CACHD1: variants seen among roughly 807,000 people sequenced by gnomAD.
CACHD1 encodes the protein cache domain containing 1, also known as VWFA and cache domain-containing protein 1.
Under a neutral mutation model 138.7 loss-of-function variants are expected in CACHD1, and 71 were observed. The ratio of observed to expected loss-of-function variants is 0.51; its 90% CI spans 0.42 to 0.62. The LOEUF is 0.62. CACHD1 is among the 20% of genes least tolerant of loss of function. CACHD1 has a pLI of 0.00. For synonymous variants in CACHD1, 578 were observed against 591.5 expected (o/e 0.98, Z 0.33); for missense variants, 1,389 against 1,625.3 (o/e 0.85, Z 2.50).
intron 15 of CACHD1, among the ~76,000 whole-genome samples, chr1:64,665,333 A>T (rs915279874): frequency 6.6e-6 from 1 of 151,976 alleles, no homozygotes; most frequent in East Asian, 1.9e-4. Context: ...GGTGGTACAC[A>T]CCTGTAGTCC....
chr1:64,492,571 C>T (rs1164541326), intron 1 of CACHD1, among the ~76,000 whole-genome samples: 1 of 151,444 alleles, frequency 6.6e-6, no homozygotes, highest in African/African-American at 2.4e-5. Flanking sequence ...ATACTCCTCC[C>T]CGTTCTGATA....
In CACHD1 at chr1:64,692,095, A is replaced by T. The variant is rs1185406459; in HGVS notation, c.*534A>T. 3 of 154,382 alleles carry T rather than the reference A, an allele frequency of 1.9e-5. No individual in the cohort carries two copies. The highest frequency in any genetic ancestry group is 4.3e-5 in the Non-Finnish European group (3 of 69,140). The allele number at this position is 154,382 out of a possible 1,614,324, so 9.6% of individuals were successfully genotyped here. A position where few individuals can be genotyped will look rare whatever the true frequency, so the allele number is the denominator to read the frequency against. On this transcript the variant is annotated 3_prime_UTR_variant, in exon 27 of 27. Transcript: ENST00000651257. ...GCATCTCAGAATTTCTAAGTAAAGG[A>T]TTATTTTTCTACTATTTATTGAACT...
chr1:64,578,110 C>T (rs1006810533), intron 2 of CACHD1, among the ~76,000 whole-genome samples: 1 of 152,292 alleles, frequency 6.6e-6, no homozygotes, highest in Admixed American at 6.5e-5. Context: ...TGTGATTTGT[C>T]ATATTTTAAT....
At chr1:64,633,024 G>C (rs961921569) in intron 6 of CACHD1, among the ~76,000 whole-genome samples, 1 of 152,160 alleles carries the variant, frequency 6.6e-6, no homozygotes, top group Admixed American at 6.5e-5. Context: ...TGGCTATCTC[G>C]TAGAATTTAT....
Position 64,513,538 on chromosome 1 carries a change from A to G in CACHD1, c.199-37056A>G, listed in dbSNP as rs1458279242. On this transcript the variant is annotated intron_variant, in intron 1 of 26. Transcript: ENST00000651257. ...CCAGCAGCTATGGTGGGTGGAAGTG[A>G]TACAGGTAGAATTTGATAAATCTGT... 4.6e-5 allele frequency among the ~76,000 whole-genome samples: 7 copies of G among 152,234 alleles called. No individual in the cohort carries two copies. In the East Asian group the frequency reaches 1.3e-3, roughly 29 times the overall value.
chr1:64,630,171 T>G (rs1318042029), intron 5 of CACHD1, among the ~76,000 whole-genome samples: 1 of 152,242 alleles, frequency 6.6e-6, no homozygotes, highest in African/African-American at 2.4e-5. Flanking sequence ...GGAGCTCTAG[T>G]GCAGGGCACC....
chr1:64,691,857 G>A lies in CACHD1; in HGVS notation c.*296G>A, dbSNP rs1007376911. 13 of 373,086 alleles carry A rather than the reference G, an allele frequency of 3.5e-5. No individual in the cohort carries two copies. The highest frequency in any genetic ancestry group is 4.5e-5 in the Non-Finnish European group (9 of 200,352). 23.1% of individuals were successfully genotyped at this position (373,086 alleles called of 1,614,324 possible). ...AAGGCGAACCTCCAAACACAGAGAC[G>A]GAACCTGCAAGTGAAGCTGAGCCAG... On this transcript the variant is annotated 3_prime_UTR_variant, in exon 27 of 27. Coordinates refer to ENST00000651257, the MANE Select transcript of CACHD1 (RefSeq NM_020925.4).
Position 64,634,137 on chromosome 1 carries a change from A to AGGAAAAT in CACHD1, c.885_891dup (p.Ser298GlufsTer7). The AGGAAAAT allele has an allele frequency of 2.5e-6, 4 of 1,614,006 alleles. No individual in the cohort carries two copies. Among genetic ancestry groups the AGGAAAAT allele is most frequent in the Non-Finnish European group, 3.4e-6 (4 of 1,179,988 alleles). On this transcript the variant is annotated frameshift_variant, in exon 7 of 27. Transcript: ENST00000651257. LOFTEE classifies it high-confidence loss of function. Reference sequence around the variant, plus strand: ...GTCTCCAGCCACCAGTGAGACAAAAAGGAAAATGTCCACCTTTGTTAGCAG... The same window carrying AGGAAAAT: ...GTCTCCAGCCACCAGTGAGACAAAAAGGAAAATGGAAAATGTCCACCTTTGTTAGCAG...
chr1:64,565,765 A>C (rs2100495859), intron 2 of CACHD1, among the ~76,000 whole-genome samples: 1 of 152,320 alleles, frequency 6.6e-6, no homozygotes, highest in South Asian at 2.1e-4. Context: ...TAATGACATA[A>C]GAAGAGCAGG....
At chr1:64,604,594 A>G (rs909351752) in intron 4 of CACHD1, among the ~76,000 whole-genome samples, 8 of 152,212 alleles carry the variant, frequency 5.3e-5, no homozygotes, top group African/African-American at 1.9e-4. Flanking sequence ...CCAAAAATAC[A>G]TACTGTAATC....
Position 64,524,045 on chromosome 1 carries a change from C to G in CACHD1, c.199-26549C>G, listed in dbSNP as rs926241246. Among the ~76,000 whole-genome samples the G allele has an allele frequency of 3.3e-5, 5 of 152,098 alleles. No individual in the cohort carries two copies. The South Asian group carries it at 1.0e-3, about 32-fold the overall frequency. On this transcript the variant is annotated intron_variant, in intron 1 of 26. Coordinates refer to ENST00000651257, the MANE Select transcript of CACHD1 (RefSeq NM_020925.4). ...AATCTGTACAAAAAAAAAAGAGACACCATCTGGAAATTATTCTATGCTTTA... is the reference window on the plus strand; with the variant it reads ...AATCTGTACAAAAAAAAAAGAGACAGCATCTGGAAATTATTCTATGCTTTA...
At chr1:64,690,056 A>G (rs1650497896) in intron 26 of CACHD1, among the ~76,000 whole-genome samples, 1 of 152,210 alleles carries the variant, frequency 6.6e-6, no homozygotes, top group Admixed American at 6.5e-5. Flanking sequence ...CAATAAATGA[A>G]TAAGTGAATG....
chr1:64,535,363 T>A (rs1227780217), intron 1 of CACHD1, among the ~76,000 whole-genome samples: 1 of 151,584 alleles, frequency 6.6e-6, no homozygotes, highest in Admixed American at 6.6e-5. Flanking sequence ...TTTGCTCTTG[T>A]TGCCCGGGCT....
intron 7 of CACHD1, among the ~76,000 whole-genome samples, chr1:64,641,101 G>C (rs1041047441): frequency 2.0e-5 from 3 of 150,280 alleles, no homozygotes; most frequent in African/African-American, 2.5e-5. Flanking sequence ...TCACCTTTTT[G>C]CTGATAGTCT....
chr1:64,661,068 G>A lies in CACHD1; in HGVS notation c.1951+2195G>A, dbSNP rs184121511. On this transcript the variant is annotated intron_variant, in intron 13 of 26. Transcript: ENST00000651257. ...CAGGACAAGGTGGAGAGGTAATCAA[G>A]GGCATCTTAGTTAGGATCAGTTGGC... Among the ~76,000 whole-genome samples, 239 of 152,182 alleles carry A rather than the reference G, an allele frequency of 1.6e-3. 1 individual carries two copies. Among genetic ancestry groups the A allele is most frequent in the African/African-American group, 5.4e-3 (223 of 41,512 alleles).
At chr1:64,620,522 A>G (rs76719470) in intron 4 of CACHD1, among the ~76,000 whole-genome samples, 2 of 152,228 alleles carry the variant, frequency 1.3e-5, no homozygotes, top group Non-Finnish European at 2.9e-5. Context: ...CTCTAATTCA[A>G]TCATAAATTA....
intron 7 of CACHD1, among the ~76,000 whole-genome samples, chr1:64,637,040 G>A (rs1648546869): frequency 6.6e-6 from 1 of 152,168 alleles, no homozygotes; most frequent in South Asian, 2.1e-4. Flanking sequence ...CCTTGGTTCA[G>A]TAAGGTCAGT....
chr1:64,500,110 CAA>C (rs1646329870), intron 1 of CACHD1, among the ~76,000 whole-genome samples: 1 of 152,154 alleles, frequency 6.6e-6, no homozygotes, highest in Non-Finnish European at 1.5e-5. Context: ...AGATTTGCCT[CAA>C]GAGGGCAAGA....
At chr1:64,625,980 A>G (rs1648088770) in intron 4 of CACHD1, among the ~76,000 whole-genome samples, 1 of 152,174 alleles carries the variant, frequency 6.6e-6, no homozygotes, top group Admixed American at 6.5e-5. Context: ...TCGAGTCTCC[A>G]TTATGTTTCA....
Sources: allele counts gnomAD v4.1 joint callset (sites outside exome capture counted in the v4.1 genomes callset), GRCh38; gene constraint gnomAD v4.1.1; transcripts MANE v1.5; gene names NCBI Gene and HGNC (gene_info 2026-07-23, HGNC 2026-07-21).